The following SLC9B2 variants were observed in gnomAD, a reference collection of about 807,000 sequenced individuals.
SLC9B2 encodes sodium/hydrogen exchanger 9B2.
Under a neutral mutation model 52.2 loss-of-function variants are expected in SLC9B2, and 39 were observed. The ratio of observed to expected loss-of-function variants is 0.75; its 90% confidence interval spans 0.58 to 0.98. The LOEUF (loss-of-function observed/expected upper bound fraction) is 0.98, where lower values mean the gene tolerates loss of function less well. Ranked by LOEUF, SLC9B2 falls within the 50% of genes least tolerant of loss-of-function variation. SLC9B2 has a pLI of 0.00. For synonymous variants in SLC9B2, 214 were observed against 227.0 expected, an observed-to-expected ratio of 0.94 and a Z score of 0.51; for missense variants, 626 against 637.5, an observed-to-expected ratio of 0.98 and a Z score of 0.19.
In SLC9B2 at chr4:103,048,952, T is replaced by C. The variant is rs1189361693; in HGVS notation, c.654A>G (p.Thr218=). The C allele has an allele frequency of 2.5e-6, 4 of 1,614,032 alleles. No homozygotes were observed. The highest frequency in any genetic ancestry group is 2.2e-5 in the South Asian group (2 of 91,074). ...GCAGGTAATGGGCAAGAAGAGCAGA[T>C]GTGCACGCCTCCACAATACAGGGAC... ...SMGPCIVEAC[T]SALLAHYLLG... Residue 218 remains threonine (T), a synonymous_variant, in exon 6 of 12, where the codon ACA becomes ACG. Transcript: ENST00000394785.
In SLC9B2 at chr4:103,067,528, A is replaced by C. The variant is rs1348689665; in HGVS notation, c.23T>G (p.Ile8Ser). ...GGATGGTTCTGAATCTTCATATGTA[A>C]TTCTTTTATCTTCATCCCCCATTAT... MGDEDKR[I>S]TYEDSEPSTG... is the part of the protein sequence containing the mutation. The change falls in exon 2 of 12, where the codon ATT becomes AGT. Residue 8 changes from isoleucine (I) to serine (S), a missense_variant. By Grantham distance (142) the Ile-to-Ser change is moderately radical. Transcript: ENST00000394785. The C allele has an allele frequency of 6.2e-7, 1 of 1,612,712 alleles. No homozygotes were observed. Among genetic ancestry groups the C allele is most frequent in the East Asian group, 2.2e-5 (1 of 44,830 alleles).
chr4:103,077,233 A>G (rs960609536), upstream of SLC9B2: 2 of 152,238 alleles, frequency 1.3e-5, no homozygotes, highest in African/African-American at 2.4e-5. Flanking sequence ...TCCACCAGTC[A>G]GAAACCATTC....
At chr4:103,042,399 TTAAAA>T (rs1198439476) in intron 9 of SLC9B2, 1 of 151,886 alleles carries the variant, frequency 6.6e-6, no homozygotes, top group Non-Finnish European at 1.5e-5. Flanking sequence ...AATCTGAAAA[TTAAAA>T]TAAATAAATG....
chr4:103,046,201 T>A (rs1443999109), intron 7 of SLC9B2, among the ~76,000 whole-genome samples: 2 of 152,212 alleles, frequency 1.3e-5, no homozygotes, highest in Non-Finnish European at 2.9e-5. Flanking sequence ...CAAGAAGATG[T>A]GTTCCCACTA....
At chr4:103,073,236 T>C (rs1746825636) in intron 1 of SLC9B2, among the ~76,000 whole-genome samples, 2 of 152,250 alleles carry the variant, frequency 1.3e-5, no homozygotes, top group African/African-American at 4.8e-5. Context: ...CTCTGGGTTG[T>C]ATTCATGCCT....
At chr4:103,047,371 AT>A (rs1298980543) in intron 6 of SLC9B2, 145 bp from the exon 7 acceptor site, 9 of 745,074 alleles carry the variant, frequency 1.2e-5, no homozygotes, top group Non-Finnish European at 1.4e-5. Context: ...ACAAACTTTA[AT>A]AAGAATTGTT....
At chr4:103,036,202 A>G (rs191257045) in intron 9 of SLC9B2, among the ~76,000 whole-genome samples, 13 of 152,322 alleles carry the variant, frequency 8.5e-5, no homozygotes, top group African/African-American at 2.9e-4. Flanking sequence ...CATAAAAAAT[A>G]ATGAAATCAT....
At chr4:103,036,362 C>T (rs924701582) in intron 9 of SLC9B2, among the ~76,000 whole-genome samples, 4 of 151,994 alleles carry the variant, frequency 2.6e-5, no homozygotes, top group African/African-American at 4.8e-5. Context: ...ATAAACACTG[C>T]GGCCTATTTT....
intron 9 of SLC9B2, among the ~76,000 whole-genome samples, chr4:103,040,503 T>G (rs1358520419): frequency 6.6e-6 from 1 of 152,142 alleles, no homozygotes; most frequent in African/African-American, 2.4e-5. Flanking sequence ...AAAACTAAAA[T>G]GAATTTGCCT....
chr4:103,052,414 T>C (rs1255170702), intron 4 of SLC9B2, among the ~76,000 whole-genome samples: 1 of 152,228 alleles, frequency 6.6e-6, no homozygotes, highest in Admixed American at 6.5e-5. Flanking sequence ...ATGGAGCTTA[T>C]ATATTTGTAG....
Position 103,062,431 on chromosome 4 carries a change from AG to A in SLC9B2, c.271+3895del, listed in dbSNP as rs199585470. ...GAGACTCCATCTCAAAAAAAAAAAA[AG>A]AGAGATTTTTCTACTTCAAGACTAT... is the stretch of plus-strand genomic sequence containing the variant. On this transcript the variant is annotated intron_variant, in intron 3 of 11. Coordinates refer to ENST00000394785, the MANE Select transcript of SLC9B2 (RefSeq NM_178833.7). 2.3e-3 allele frequency among the ~76,000 whole-genome samples: 340 copies of A among 147,762 alleles called. 10 individuals carry two copies. Among genetic ancestry groups the A allele is most frequent in the Middle Eastern group, 0.017 (5 of 288 alleles).
At chr4:103,033,106 C>A (rs528226258) in intron 9 of SLC9B2, among the ~76,000 whole-genome samples, 3 of 152,086 alleles carry the variant, frequency 2.0e-5, no homozygotes, top group Non-Finnish European at 2.9e-5. Context: ...CTTTGTAACA[C>A]ATAATGCAAA....
Position 103,043,407 on chromosome 4 carries a change from C to A in SLC9B2, c.1035G>T (p.Gly345=), listed in dbSNP as rs1358103388. Residue 345 remains glycine (G), a synonymous_variant, in exon 9 of 12, where the codon GGG becomes GGT. Coordinates refer to ENST00000394785, the MANE Select transcript of SLC9B2 (RefSeq NM_178833.7). ...TGCTGAACACAGCTAGCACAGACAA[C>A]CCCAACACAAGGAATGTTCTCTTAC... ...LVCKRTFLVL[G]LSVLAVFSSV... The A allele has an allele frequency of 6.2e-7, 1 of 1,612,598 alleles. No homozygotes were observed. Among genetic ancestry groups the A allele is most frequent in the Admixed American group, 1.7e-5 (1 of 59,702 alleles).
chr4:103,028,777 A>G lies in SLC9B2; in HGVS notation c.1362T>C (p.Ser454=). 1.2e-6 allele frequency: 2 copies of G among 1,608,862 alleles called. No homozygotes were observed. Among genetic ancestry groups the G allele is most frequent in the East Asian group, 2.2e-5 (1 of 44,484 alleles). ...CTGTGGCCTTTGGAAGCCATGCAAA[A>G]GAAATAAATATCTTTTCTTTTAAGT... ...GFNLKEKIFI[S]FAWLPKATVQ... is the part of the protein sequence containing the mutation. Residue 454 remains serine (S), a synonymous_variant, in exon 11 of 12, where the codon TCT becomes TCC. Transcript: ENST00000394785.
intron 9 of SLC9B2, among the ~76,000 whole-genome samples, chr4:103,037,262 G>T (rs1306161654): frequency 6.6e-6 from 1 of 152,124 alleles, no homozygotes; most frequent in Admixed American, 6.5e-5. Flanking sequence ...ACAGTGTTTT[G>T]GTTTTTATTC....
intron 3 of SLC9B2, among the ~76,000 whole-genome samples, chr4:103,064,457 A>G (rs577242431): frequency 5.9e-5 from 9 of 152,310 alleles, no homozygotes; most frequent in African/African-American, 2.2e-4. Context: ...GTTCATATGG[A>G]AATAGTAAAT....
intron 3 of SLC9B2, chr4:103,065,355 TAACA>T (rs1560559672): frequency 6.6e-6 from 1 of 152,096 alleles, no homozygotes; most frequent in African/African-American, 2.4e-5. Context: ...TGAAAAATAC[TAACA>T]GTGAATGTAT....
At chr4:103,058,476 C>T (rs1745350010) in intron 3 of SLC9B2, among the ~76,000 whole-genome samples, 2 of 152,328 alleles carry the variant, frequency 1.3e-5, no homozygotes, top group South Asian at 4.1e-4. Flanking sequence ...TGGCTCACTA[C>T]AGCCTCAACC....
intron 1 of SLC9B2, among the ~76,000 whole-genome samples, chr4:103,073,304 C>T (rs936993691): frequency 2.6e-5 from 4 of 152,194 alleles, no homozygotes; most frequent in Non-Finnish European, 5.9e-5. Context: ...TAACAACAAT[C>T]TCCTGCCTTT....
Sources: gnomAD v4.1 joint callset for allele counts (sites outside exome capture counted in the v4.1 genomes callset) on GRCh38, gnomAD v4.1.1 for gene constraint, MANE v1.5 for transcripts, NCBI Gene and HGNC (gene_info 2026-07-23, HGNC 2026-07-21) for gene names.